FLT1: variants seen among roughly 807,000 people sequenced by gnomAD.
FLT1 encodes fms related receptor tyrosine kinase 1, also known as vascular endothelial growth factor receptor 1.
In FLT1, 49 loss-of-function variants were observed where a neutral mutation model predicts 156.3. That is an observed-to-expected ratio of 0.31 (90% confidence interval 0.25 to 0.40). The LOEUF is 0.40. FLT1 is among the 10% of genes least tolerant of loss of function. FLT1 has a pLI of 1.00. For missense variants in FLT1, 1,322 were observed against 1,637.2 expected, an observed-to-expected ratio of 0.81 and a Z score of 3.32; for synonymous variants, 594 against 583.8, an observed-to-expected ratio of 1.02 and a Z score of -0.25.
In FLT1 at chr13:28,472,156, C is replaced by G. The variant is rs17086729; in HGVS notation, c.65-4539G>C. Among the ~76,000 whole-genome samples, 8 of 152,200 alleles carry G rather than the reference C, an allele frequency of 5.3e-5. No homozygotes were observed. In the East Asian group the frequency reaches 1.5e-3, roughly 29 times the overall value. On this transcript the variant is annotated intron_variant, in intron 1 of 29. Coordinates refer to ENST00000282397, the MANE Select transcript of FLT1 (RefSeq NM_002019.4). ...AATCCCTTCTCTCCTTTCGCACATGCTAGACCTCACATAGAAAGCCTATAC... is the reference window on the plus strand; with the variant it reads ...AATCCCTTCTCTCCTTTCGCACATGGTAGACCTCACATAGAAAGCCTATAC...
In FLT1 at chr13:28,303,328, C is replaced by A; in HGVS notation, c.3856G>T (p.Asp1286Tyr). The change falls in exon 30 of 30, where the codon GAT becomes TAT. Residue 1286 changes from aspartate to tyrosine, a missense_variant. Physicochemically the swap from Asp to Tyr is radical, Grantham distance 160. This residue lies in a region of FLT1 where 329 missense variants were observed against 366.2 expected (regional missense o/e 0.90). Transcript: ENST00000282397. ...TSKSKESGLS[D>Y]VSRPSFCHSS... ...TGGCAGAAACTGGGCCTGCTGACAT[C>A]AGACAGCCCCGACTCCTTACTTTTA... 1 of 1,614,134 alleles carries A rather than the reference C, an allele frequency of 6.2e-7. No individual in the cohort carries two copies. Among genetic ancestry groups the A allele is most frequent in the Non-Finnish European group, 8.5e-7 (1 of 1,180,028 alleles).
intron 1 of FLT1, among the ~76,000 whole-genome samples, chr13:28,475,243 ACT>A: frequency 6.6e-6 from 1 of 152,194 alleles, no homozygotes; most frequent in East Asian, 1.9e-4. Context: ...TGTCACTAGG[ACT>A]CTGAATAAAT....
rs1355699758 is a variant in FLT1, at chr13:28,329,508, C to G, written c.2707+107G>C. 9.9e-6 allele frequency: 8 copies of G among 808,394 alleles called. No homozygotes were observed. In the African/African-American group the frequency reaches 1.3e-4, roughly 14 times the overall value. The allele number at this position is 808,394 out of a possible 1,614,324, so 50.1% of individuals were successfully genotyped here. On this transcript the variant is annotated intron_variant, in intron 19 of 29. Transcript: ENST00000282397. ...TAGAGCTATTAGGGAGGCCGTTTTC[C>G]TGGAGGCGAGGAAGCACAGTGCGGG...
At chr13:28,406,377 T>C (rs1875801651) in intron 10 of FLT1, among the ~76,000 whole-genome samples, 1 of 152,192 alleles carries the variant, frequency 6.6e-6, no homozygotes, top group Non-Finnish European at 1.5e-5. Flanking sequence ...AAACAGTTAT[T>C]AAATTCAGTC....
intron 13 of FLT1, chr13:28,386,949 T>A (rs999443447): frequency 1.9e-6 from 2 of 1,044,444 alleles, no homozygotes; most frequent in Non-Finnish European, 2.3e-6. Context: ...CCCATCGGTC[T>A]TGTAAAAAGG....
chr13:28,384,760 C>T, intron 14 of FLT1, 125 bp downstream of exon 14: 1 of 916,572 alleles, frequency 1.1e-6, no homozygotes, highest in East Asian at 2.5e-5. Flanking sequence ...AACCAGATCC[C>T]AGTGTTTGGG....
At chr13:28,442,213 T>C (rs996286314) in intron 3 of FLT1, among the ~76,000 whole-genome samples, 6 of 152,234 alleles carry the variant, frequency 3.9e-5, no homozygotes, top group African/African-American at 1.4e-4. Context: ...TCCTTCCTCT[T>C]GTGAGTCTAT....
At chr13:28,404,043 C>CAAAA (rs67298705) in intron 11 of FLT1, among the ~76,000 whole-genome samples, 1 of 139,696 alleles carries the variant, frequency 7.2e-6, no homozygotes, top group Non-Finnish European at 1.5e-5. Context: ...CTCTTTGTCT[C>CAAAA]AAAAAAAAAA....
At chr13:28,309,884 C>CTTT (rs60568918) in intron 27 of FLT1, among the ~76,000 whole-genome samples, 1,848 of 90,704 alleles carry the variant, frequency 0.02, 18 homozygotes, top group Non-Finnish European at 0.027. Flanking sequence ...TTCTTTTTTC[C>CTTT]TTTTTTTTTT....
intron 15 of FLT1, chr13:28,346,359 A>G (rs949376797): frequency 6.6e-6 from 1 of 152,218 alleles, no homozygotes; most frequent in Non-Finnish European, 1.5e-5. Context: ...CCAGAACAGT[A>G]TTGATTCTTG....
chr13:28,306,667 C>G lies in FLT1; in HGVS notation c.3815+11G>C, dbSNP rs1566277100. The G allele has an allele frequency of 1.3e-6, 2 of 1,594,488 alleles. No individual in the cohort carries two copies. Among genetic ancestry groups the G allele is most frequent in the Non-Finnish European group, 8.6e-7 (1 of 1,162,260 alleles). On this transcript the variant is annotated intron_variant, in intron 29 of 29. Transcript: ENST00000282397. ...CATCAACTGATCACAGAAAAGATAC[C>G]CAATTCTTACTCAATCTTGAGCGAG...
chr13:28,334,375 T>C (rs1228972880), intron 17 of FLT1, among the ~76,000 whole-genome samples: 1 of 152,126 alleles, frequency 6.6e-6, no homozygotes, highest in Non-Finnish European at 1.5e-5. Context: ...TCAGTGAAGG[T>C]AGATGTCCAG....
At chr13:28,460,323 T>C (rs1175887036) in intron 3 of FLT1, among the ~76,000 whole-genome samples, 2 of 152,204 alleles carry the variant, frequency 1.3e-5, no homozygotes, top group South Asian at 2.1e-4. Context: ...ACTCATGCTT[T>C]AAAAAATACT....
intron 14 of FLT1, among the ~76,000 whole-genome samples, chr13:28,357,899 T>C (rs1223574513): frequency 3.5e-5 from 5 of 143,884 alleles, no homozygotes; most frequent in Admixed American, 7.5e-5. Flanking sequence ...TCTGCAGGCT[T>C]TCTAATAGCA....
At chr13:28,416,710 C>G (rs1024879173) in intron 10 of FLT1, among the ~76,000 whole-genome samples, 13 of 152,208 alleles carry the variant, frequency 8.5e-5, no homozygotes, top group African/African-American at 2.7e-4. Context: ...CCAGGCTATA[C>G]AGCCTCTATC....
chr13:28,445,282 C>G (rs552858398), intron 3 of FLT1, among the ~76,000 whole-genome samples: 4 of 152,200 alleles, frequency 2.6e-5, no homozygotes, highest in African/African-American at 7.2e-5. Flanking sequence ...TCAAGACCAG[C>G]CTGGCCAACA....
chr13:28,405,569 C>T (rs763686712), intron 11 of FLT1, among the ~76,000 whole-genome samples: 7 of 152,168 alleles, frequency 4.6e-5, no homozygotes, highest in Admixed American at 2.0e-4. Context: ...CCATCTCTAC[C>T]ATTAGGAATG....
chr13:28,441,604 A>G (rs1878338225), intron 3 of FLT1, among the ~76,000 whole-genome samples: 1 of 152,148 alleles, frequency 6.6e-6, no homozygotes. Context: ...ATAAATATAT[A>G]TTGATATAGT....
chr13:28,403,714 G>C (rs1875604741), intron 11 of FLT1, among the ~76,000 whole-genome samples: 1 of 152,316 alleles, frequency 6.6e-6, no homozygotes, highest in Non-Finnish European at 1.5e-5. Context: ...CTAATTTGCT[G>C]TTCACTGCTA....
Sources: gnomAD v4.1 joint callset for allele counts (sites outside exome capture counted in the v4.1 genomes callset) on GRCh38, gnomAD v4.1.1 for gene constraint, gnomAD v4.1.1 regional missense constraint, MANE v1.5 for transcripts, NCBI Gene and HGNC (gene_info 2026-07-23, HGNC 2026-07-21) for gene names.